Variants in RASSF3 observed in about 807,000 individuals in gnomAD.
RASSF3 encodes ras association domain-containing protein 3.
Under a neutral mutation model 19.9 loss-of-function variants are expected in RASSF3, and 19 were observed. The ratio of observed to expected loss-of-function variants is 0.96; its 90% CI spans 0.67 to 1.40. The LOEUF is 1.40. RASSF3 is among the 40% of genes most tolerant of loss of function. The pLI, the probability that RASSF3 is intolerant of heterozygous loss-of-function variation, is 0.00. For synonymous variants in RASSF3, 110 were observed against 104.2 expected (o/e 1.06, Z -0.34); for missense variants, 306 against 289.8 (o/e 1.06, Z -0.41).
chr12:64,663,948 A>C (rs1428218080), intron 1 of RASSF3, among the ~76,000 whole-genome samples: 2 of 151,734 alleles, frequency 1.3e-5, no homozygotes, highest in Non-Finnish European at 2.9e-5. Flanking sequence ...AAAATATAGA[A>C]TATCTCCAAA....
intron 2 of RASSF3, among the ~76,000 whole-genome samples, chr12:64,596,869 A>G (rs773461081): frequency 1.3e-5 from 2 of 151,582 alleles, no homozygotes; most frequent in Non-Finnish European, 2.9e-5. Context: ...AGCTGGGATT[A>G]CAGGCATGTG....
At chr12:64,642,598 A>AAAC (rs1407959529) in intron 1 of RASSF3, among the ~76,000 whole-genome samples, 1 of 149,636 alleles carries the variant, frequency 6.7e-6, no homozygotes, top group Admixed American at 6.6e-5. Context: ...AGATTCATCA[A>AAAC]AACTTTGTAA....
intron 1 of RASSF3, among the ~76,000 whole-genome samples, chr12:64,645,997 T>C (rs1871717944): frequency 6.6e-6 from 1 of 152,250 alleles, no homozygotes; most frequent in Non-Finnish European, 1.5e-5. Context: ...CAGTATGCAC[T>C]CTTGCAGCTG....
At chr12:64,667,790 T>C (rs2136203665) in intron 1 of RASSF3, among the ~76,000 whole-genome samples, 1 of 152,324 alleles carries the variant, frequency 6.6e-6, no homozygotes, top group South Asian at 2.1e-4. Context: ...TTCCTGAGGC[T>C]CATCTCCAGA....
chr12:64,579,346 C>CTTTTTTT (rs1265939630), intron 2 of RASSF3, among the ~76,000 whole-genome samples: 9 of 117,056 alleles, frequency 7.7e-5, no homozygotes, highest in African/African-American at 1.6e-4. Flanking sequence ...TAGCCAAGTT[C>CTTTTTTT]TTTTTTTTTT....
chr12:64,657,639 C>T (rs1042146434), intron 1 of RASSF3, among the ~76,000 whole-genome samples: 6 of 152,218 alleles, frequency 3.9e-5, no homozygotes, highest in Non-Finnish European at 8.8e-5. Context: ...TCCCTTCGTT[C>T]TGGTCCTTCC....
At chr12:64,629,436 A>G (rs1201229300) in intron 1 of RASSF3, among the ~76,000 whole-genome samples, 1 of 152,158 alleles carries the variant, frequency 6.6e-6, no homozygotes, top group African/African-American at 2.4e-5. Flanking sequence ...TAGAAGGACT[A>G]TACTTAAATG....
intron 1 of RASSF3, among the ~76,000 whole-genome samples, chr12:64,632,234 A>G (rs1435304189): frequency 6.6e-6 from 1 of 152,112 alleles, no homozygotes; most frequent in East Asian, 1.9e-4. Context: ...AAGTGGTGGT[A>G]TGGCTGCAGC....
At chr12:64,571,724 G>C (rs1235401637) in intron 2 of RASSF3, among the ~76,000 whole-genome samples, 1 of 152,164 alleles carries the variant, frequency 6.6e-6, no homozygotes, top group African/African-American at 2.4e-5. Flanking sequence ...AGAGATTCGT[G>C]ACACTTTTTT....
chr12:64,571,282 G>A (rs1869514566), intron 2 of RASSF3, among the ~76,000 whole-genome samples: 1 of 152,118 alleles, frequency 6.6e-6, no homozygotes, highest in Admixed American at 6.6e-5. Flanking sequence ...GCCCAGGTTG[G>A]TGCATTATAA....
At position 64,659,484 on chromosome 12, in the gene RASSF3, G is replaced by A. The variant is rs572699314; in HGVS notation, c.112-25303G>A. ...AAAGTTGGCTTTAGGATACAGAGGG[G>A]TCCATTTTTGTGGACTGCTTTATTT... On this transcript the variant is annotated intron_variant, in intron 1 of 4. Coordinates refer to ENST00000542104, the MANE Select transcript of RASSF3 (RefSeq NM_178169.4). Among the ~76,000 whole-genome samples the A allele has an allele frequency of 1.6e-4, 24 of 152,218 alleles. No homozygotes were observed. In the South Asian group the frequency reaches 5.0e-3, roughly 32 times the overall value.
chr12:64,684,013 A>AGTGTGTGTGTGTGTGT (rs10598381), intron 1 of RASSF3, among the ~76,000 whole-genome samples: 211 of 138,454 alleles, frequency 1.5e-3, no homozygotes, highest in African/African-American at 4.7e-3. Flanking sequence ...AGAGAGAGTG[A>AGTGTGTGTGTGTGTGT]GTGTGTGTGT....
chr12:64,558,573 A>G (rs941057740), intron 2 of RASSF3, among the ~76,000 whole-genome samples: 1 of 152,126 alleles, frequency 6.6e-6, no homozygotes, highest in Non-Finnish European at 1.5e-5. Context: ...AAAATGTGAG[A>G]AAAGGGCTGG....
Position 64,651,731 on chromosome 12 carries a change from C to T in RASSF3, c.112-33056C>T, listed in dbSNP as rs188362385. On this transcript the variant is annotated intron_variant, in intron 1 of 4. Transcript: ENST00000542104. Reference sequence around the variant, plus strand: ...AGGATGGAGTGCAGGGGTGCAGTCACAGCTCACTGCAACCTCGACTTCCCA... The same window carrying T: ...AGGATGGAGTGCAGGGGTGCAGTCATAGCTCACTGCAACCTCGACTTCCCA... Among the ~76,000 whole-genome samples the T allele has an allele frequency of 1.1e-4, 16 of 152,122 alleles. No homozygotes were observed. In the East Asian group the frequency reaches 3.1e-3, roughly 29 times the overall value.
chr12:64,624,783 C>T (rs973200460), intron 1 of RASSF3, among the ~76,000 whole-genome samples: 23 of 151,950 alleles, frequency 1.5e-4, no homozygotes, highest in Admixed American at 4.6e-4. Flanking sequence ...CTCAGCATCC[C>T]GAGTAGCTGG....
intron 1 of RASSF3, among the ~76,000 whole-genome samples, chr12:64,661,981 C>T (rs1872382015): frequency 9.9e-6 from 1 of 101,274 alleles, no homozygotes; most frequent in Non-Finnish European, 2.1e-5. Context: ...ATGCCCAGCC[C>T]CCATCTCTTA....
chr12:64,669,372 A>T lies in RASSF3; in HGVS notation c.112-15415A>T, dbSNP rs575435866. ...CTTCTTGGCTTCGTTTTTTCCTCAG[A>T]TGTTCTGGATGAAACAGTTCCCCCT... On this transcript the variant is annotated intron_variant, in intron 1 of 4. Coordinates refer to ENST00000542104, the MANE Select transcript of RASSF3 (RefSeq NM_178169.4). 2.0e-5 allele frequency among the ~76,000 whole-genome samples: 3 copies of T among 152,128 alleles called. No homozygotes were observed. In the South Asian group the frequency reaches 6.2e-4, roughly 32 times the overall value.
intron 2 of RASSF3, 60 bp from the exon 3 acceptor site, chr12:64,688,156 C>G: frequency 8.5e-7 from 1 of 1,177,894 alleles, no homozygotes; most frequent in Non-Finnish European, 1.3e-6. Flanking sequence ...TTTTGATATG[C>G]TTCTTCCCTA....
chr12:64,600,300 AACACACACAGACAT>A (rs61093750), intron 2 of RASSF3, among the ~76,000 whole-genome samples: 9,789 of 151,902 alleles, frequency 0.064, 1,093 homozygotes, highest in African/African-American at 0.22. Context: ...AACACACACA[AACACACACAGACAT>A]ACGCACACAC....
Sources: gnomAD v4.1 joint callset for allele counts (sites outside exome capture counted in the v4.1 genomes callset) on GRCh38, gnomAD v4.1.1 for gene constraint, MANE v1.5 for transcripts, NCBI Gene and HGNC (gene_info 2026-07-23, HGNC 2026-07-21) for gene names.